Variants in EPB41L5 observed in about 807,000 individuals in gnomAD.
The protein encoded by EPB41L5 is erythrocyte membrane protein band 4.1 like 5.
In EPB41L5, 55 loss-of-function variants were observed where a neutral mutation model predicts 106.6. The ratio of observed to expected loss-of-function variants is 0.52; its 90% CI spans 0.42 to 0.65. EPB41L5 has a LOEUF of 0.65. EPB41L5 is among the 30% of genes least tolerant of loss of function. The probability of loss-of-function intolerance (pLI) is 0.00; values close to 1 mark genes in which losing one functional copy is unlikely to be tolerated. For missense variants in EPB41L5, 871 were observed against 882.1 expected (o/e 0.99, Z 0.16); for synonymous variants, 297 against 306.7 (o/e 0.97, Z 0.33).
chr2:120,016,896 T>C (rs1677563022), intron 1 of EPB41L5, among the ~76,000 whole-genome samples: 2 of 152,198 alleles, frequency 1.3e-5, no homozygotes, highest in Non-Finnish European at 2.9e-5. Flanking sequence ...AGAAAGAGAC[T>C]GGGACCAGGT....
intron 21 of EPB41L5, among the ~76,000 whole-genome samples, chr2:120,162,355 C>G (rs1687170428): frequency 6.6e-6 from 1 of 152,206 alleles, no homozygotes; most frequent in South Asian, 2.1e-4. Context: ...ATTGCCCTTG[C>G]ATGAACACTT....
intron 10 of EPB41L5, among the ~76,000 whole-genome samples, chr2:120,084,170 A>T (rs1021243476): frequency 1.3e-5 from 2 of 152,148 alleles, no homozygotes; most frequent in African/African-American, 4.8e-5. Context: ...ACATGCTGTG[A>T]TGTTAGCTGG....
At chr2:120,037,886 A>G (rs1679143467) in intron 2 of EPB41L5, among the ~76,000 whole-genome samples, 1 of 152,230 alleles carries the variant, frequency 6.6e-6, no homozygotes, top group Non-Finnish European at 1.5e-5. Context: ...CATATACAAA[A>G]ATTAATGTAA....
intron 3 of EPB41L5, among the ~76,000 whole-genome samples, chr2:120,046,434 T>G (rs1574521573): frequency 1.3e-5 from 2 of 152,220 alleles, no homozygotes; most frequent in Admixed American, 6.5e-5. Flanking sequence ...TTCATGTGTC[T>G]GTTGGCTGCA....
intron 16 of EPB41L5, chr2:120,105,410 C>G (rs926858564): frequency 3.0e-6 from 3 of 984,182 alleles, no homozygotes; most frequent in Non-Finnish European, 3.6e-6. Context: ...TTAATGCATC[C>G]TGCTCACATA....
intron 18 of EPB41L5, among the ~76,000 whole-genome samples, chr2:120,132,288 A>C (rs998208412): frequency 6.6e-6 from 1 of 152,232 alleles, no homozygotes; most frequent in Non-Finnish European, 1.5e-5. Flanking sequence ...TTTTATAATT[A>C]ATCATATCAG....
At chr2:120,044,296 A>G (rs890926170) in intron 3 of EPB41L5, among the ~76,000 whole-genome samples, 2 of 152,106 alleles carry the variant, frequency 1.3e-5, no homozygotes, top group African/African-American at 4.8e-5. Context: ...CTCTTTTATT[A>G]GACTAAATTC....
At chr2:120,062,506 T>G (rs1310986754) in intron 3 of EPB41L5, among the ~76,000 whole-genome samples, 1 of 152,168 alleles carries the variant, frequency 6.6e-6, no homozygotes, top group Non-Finnish European at 1.5e-5. Flanking sequence ...TTAGAAGAAA[T>G]GGAATCATCA....
At chr2:120,098,641 C>T (rs979224691) in intron 14 of EPB41L5, among the ~76,000 whole-genome samples, 1 of 152,168 alleles carries the variant, frequency 6.6e-6, no homozygotes, top group African/African-American at 2.4e-5. Context: ...ACAGAATAGA[C>T]CTAGTGACAC....
At chr2:120,081,145 G>A (rs1279183466) in intron 10 of EPB41L5, among the ~76,000 whole-genome samples, 2 of 152,100 alleles carry the variant, frequency 1.3e-5, no homozygotes, top group African/African-American at 4.8e-5. Flanking sequence ...GGCTTTTGTT[G>A]CCATTGCTTT....
At chr2:120,061,176 G>T (rs1681033733) in intron 3 of EPB41L5, among the ~76,000 whole-genome samples, 1 of 149,558 alleles carries the variant, frequency 6.7e-6, no homozygotes, top group South Asian at 2.1e-4. Flanking sequence ...GAGTAGCCAG[G>T]ACTACAGGCA....
chr2:120,024,365 G>T (rs924004831), intron 2 of EPB41L5, among the ~76,000 whole-genome samples: 14 of 152,154 alleles, frequency 9.2e-5, no homozygotes, highest in Non-Finnish European at 1.6e-4. Flanking sequence ...TCAATACCTA[G>T]TTTATTGAGT....
At chr2:120,085,724 G>C (rs1259308657) in intron 10 of EPB41L5, among the ~76,000 whole-genome samples, 1 of 152,150 alleles carries the variant, frequency 6.6e-6, no homozygotes, top group African/African-American at 2.4e-5. Context: ...CCCTTGATGC[G>C]TGAAGAACCT....
intron 3 of EPB41L5, among the ~76,000 whole-genome samples, chr2:120,072,821 A>T (rs1558847579): frequency 6.6e-6 from 1 of 152,062 alleles, no homozygotes; most frequent in Non-Finnish European, 1.5e-5. Flanking sequence ...TAGGAGAAAT[A>T]TCTAATGTAG....
In EPB41L5 at chr2:120,073,392, T is replaced by TTATC. The variant is rs527907648; in HGVS notation, c.328+172_328+173insTATC. 7.8e-4 allele frequency among the ~76,000 whole-genome samples: 119 copies of TTATC among 152,336 alleles called. 1 individual carries two copies. Among genetic ancestry groups the TTATC allele is most frequent in the African/African-American group, 2.7e-3 (114 of 41,580 alleles). ...AGCTACTCCCCAAGTCATGTAGGCT[T>TTATC]GATACTAATCTAGATTAAACTGCAT... On this transcript the variant is annotated intron_variant, in intron 4 of 24. Transcript: ENST00000263713.
At chr2:120,163,247 C>T (rs924925047) in intron 21 of EPB41L5, among the ~76,000 whole-genome samples, 15 of 146,336 alleles carry the variant, frequency 1.0e-4, no homozygotes, top group African/African-American at 3.3e-4. Flanking sequence ...AGAGCAAGAC[C>T]GTGTCCCTCT....
chr2:120,058,834 A>G (rs915900306), intron 3 of EPB41L5, among the ~76,000 whole-genome samples: 1 of 152,226 alleles, frequency 6.6e-6, no homozygotes, highest in Non-Finnish European at 1.5e-5. Context: ...AAATGGAAAG[A>G]CATTCTACAT....
At chr2:120,137,769 A>C (rs1202860361) in intron 18 of EPB41L5, among the ~76,000 whole-genome samples, 1 of 152,056 alleles carries the variant, frequency 6.6e-6, no homozygotes, top group Non-Finnish European at 1.5e-5. Flanking sequence ...AATTTTACCA[A>C]ATATTTAAAG....
At chr2:120,050,811 G>C (rs1680202314) in intron 3 of EPB41L5, among the ~76,000 whole-genome samples, 1 of 152,154 alleles carries the variant, frequency 6.6e-6, no homozygotes, top group Admixed American at 6.5e-5. Context: ...GGTCTTTGAT[G>C]ATGGTGACAT....
Sources: allele counts gnomAD v4.1 joint callset (sites outside exome capture counted in the v4.1 genomes callset), GRCh38; gene constraint gnomAD v4.1.1; transcripts MANE v1.5; gene names NCBI Gene and HGNC (gene_info 2026-07-23, HGNC 2026-07-21).